PIK3R6: variants seen among roughly 807,000 people sequenced by gnomAD.
The protein encoded by PIK3R6 is phosphoinositide 3-kinase regulatory subunit 6.
PIK3R6 carries 91 observed loss-of-function variants against 84.9 expected under a neutral mutation model. The observed-to-expected ratio is 1.07, with a 90% CI of 0.90 to 1.28. The LOEUF (loss-of-function observed/expected upper bound fraction) is 1.28, where lower values mean the gene tolerates loss of function less well. PIK3R6 is among the 50% of genes most tolerant of loss of function. PIK3R6 has a pLI of 0.00. For synonymous variants in PIK3R6, 416 were observed against 411.4 expected (o/e 1.01, Z -0.13); for missense variants, 996 against 985.1 (o/e 1.01, Z -0.15).
Position 8,825,576 on chromosome 17 carries a change from TA to T in PIK3R6, c.1515+1595del, listed in dbSNP as rs1228937250. Reference sequence around the variant, plus strand: ...GTACACGTAAGTATTTAGCAAATGATAAAAGTGGCATTTCAAATTTCTGCGG... The same window carrying T: ...GTACACGTAAGTATTTAGCAAATGATAAAGTGGCATTTCAAATTTCTGCGG... On this transcript the variant is annotated intron_variant, in intron 13 of 19. Transcript: ENST00000619866. Among the ~76,000 whole-genome samples, 7 of 152,356 alleles carry T rather than the reference TA, an allele frequency of 4.6e-5. No homozygotes were observed. The East Asian group carries it at 1.3e-3, about 29-fold the overall frequency.
At chr17:8,840,407 ATAGCCTCCAAATATGTATATG>A (rs2088637678) in intron 2 of PIK3R6, among the ~76,000 whole-genome samples, 1 of 142,198 alleles carries the variant, frequency 7.0e-6, no homozygotes, top group Admixed American at 7.5e-5. Context: ...TGAAATATAT[ATAGCCTCCAAATATGTATATG>A]AAATATATAT....
chr17:8,822,471 C>T, intron 16 of PIK3R6, 116 bp downstream of exon 16: 4 of 1,243,268 alleles, frequency 3.2e-6, no homozygotes, highest in Non-Finnish European at 4.6e-6. Flanking sequence ...CGGGCAGCTT[C>T]AAGAAAAGGG....
In PIK3R6 at chr17:8,829,728, CA is replaced by C. The variant is rs779636593; in HGVS notation, c.866del (p.Leu289CysfsTer94). ...TACAGAGCTGCTCCTCACCGGTCCA[CA>C]AGTGGAAGGTGATGTAGGGGCTGGG... ...PLPSPYITFH[L>X]WTGEEQLWKE... On this transcript the variant is annotated frameshift_variant, in exon 10 of 20. Transcript: ENST00000619866. LOFTEE classifies it high-confidence loss of function. 7 of 1,553,438 alleles carry C rather than the reference CA, an allele frequency of 4.5e-6. No homozygotes were observed. The highest frequency in any genetic ancestry group is 6.1e-6 in the Non-Finnish European group (7 of 1,148,170).
rs1401611445 is a variant in PIK3R6 at position 8,828,594 on chromosome 17, C to G, written c.1286G>C (p.Arg429Pro). ...GAGTCTGTGGTAGGCCTGGGCCAGG[C>G]GCCCCAGCATCCTGTCATCTCCGAG... ...LVLGDDRMLG[R>P]LAQAYHRLRK... Residue 429 changes from arginine (R) to proline (P), a missense_variant, in exon 11 of 20, where the codon CGC becomes CCC. Coordinates refer to ENST00000619866, the MANE Select transcript of PIK3R6 (RefSeq NM_001010855.4). The G allele has an allele frequency of 6.2e-7, 1 of 1,612,966 alleles. No homozygotes were observed. The highest frequency in any genetic ancestry group is 1.1e-5 in the South Asian group (1 of 91,074).
Position 8,837,727 on chromosome 17 carries a change from G to A in PIK3R6, c.258+76C>T, listed in dbSNP as rs1355098479. ...AGGCTCATCCTGGCGGAGACTGAGT[G>A]CCCACTAAGGGGAGAGTGTCCAGCC... On this transcript the variant is annotated intron_variant, in intron 5 of 19. Transcript: ENST00000619866. The A allele has an allele frequency of 9.5e-6, 12 of 1,266,448 alleles. 2 individuals are homozygous for A. In the South Asian group the frequency reaches 1.5e-4, roughly 16 times the overall value. 78.5% of individuals were successfully genotyped at this position (1,266,448 alleles called of 1,614,324 possible). A position where few individuals can be genotyped will look rare whatever the true frequency, so the allele number is the denominator to read the frequency against.
chr17:8,843,616 G>T (rs956605532), intron 2 of PIK3R6, among the ~76,000 whole-genome samples: 1 of 151,494 alleles, frequency 6.6e-6, no homozygotes. Flanking sequence ...TATGTGTTTT[G>T]TTTGGGCTTG....
In PIK3R6 at chr17:8,829,772, G is replaced by A. The variant is rs778552306; in HGVS notation, c.823C>T (p.Pro275Ser). Residue 275 changes from proline to serine, a missense_variant, in exon 10 of 20, where the codon CCA becomes TCA. Coordinates refer to ENST00000619866, the MANE Select transcript of PIK3R6 (RefSeq NM_001010855.4). Reference sequence around the variant, plus strand: ...GGGCTGGGCAGGGGAATGCTTGGTGGCCGCTCTTGGACAAGGTCACCTGCA... The same window carrying A: ...GGGCTGGGCAGGGGAATGCTTGGTGACCGCTCTTGGACAAGGTCACCTGCA... ...RCGGDLVQER[P>S]PSIPLPSPYI... is the part of the protein sequence containing the mutation. The A allele has an allele frequency of 1.3e-6, 2 of 1,551,994 alleles. No homozygotes were observed. Among genetic ancestry groups the A allele is most frequent in the South Asian group, 2.4e-5 (2 of 84,074 alleles).
At chr17:8,829,875 G>A in intron 9 of PIK3R6, 83 bp from the exon 10 acceptor site, 1 of 1,165,214 alleles carries the variant, frequency 8.6e-7, no homozygotes, top group Non-Finnish European at 1.2e-6. Flanking sequence ...CAGCTCCTGT[G>A]CGGGGTCTTA....
At chr17:8,846,349 T>A (rs1259712591) in intron 2 of PIK3R6, among the ~76,000 whole-genome samples, 3 of 152,184 alleles carry the variant, frequency 2.0e-5, no homozygotes, top group African/African-American at 7.2e-5. Context: ...ACCATGCTGT[T>A]TTTGTTACTG....
chr17:8,850,408 T>C (rs1159091203), intron 1 of PIK3R6, among the ~76,000 whole-genome samples: 2 of 152,134 alleles, frequency 1.3e-5, no homozygotes, highest in African/African-American at 4.8e-5. Context: ...TTAATATTAA[T>C]ATTAAGCTTA....
Position 8,828,128 on chromosome 17 carries a change from G to A in PIK3R6, c.1376C>T (p.Pro459Leu). 4 of 1,613,996 alleles carry A rather than the reference G, an allele frequency of 2.5e-6. No homozygotes were observed. The highest frequency in any genetic ancestry group is 3.4e-6 in the Non-Finnish European group (4 of 1,179,876). The change falls in exon 12 of 20, where the codon CCC becomes CTC. Residue 459 changes from proline (P) to leucine (L), a missense_variant. Physicochemically the swap from Pro to Leu is moderately conservative, Grantham distance 98. Transcript: ENST00000619866. ...TCCAGTCACCTCAGGCGCCAGCACG[G>A]GGATGTAGTAGAGCTGCAGGCTGAG... ...PRLSLQLYYI[P>L]VLAPEKPAAS...
chr17:8,823,506 G>A lies in PIK3R6; in HGVS notation c.1516-9C>T. The A allele has an allele frequency of 6.4e-7, 1 of 1,573,290 alleles. No individual in the cohort carries two copies. The highest frequency in any genetic ancestry group is 8.7e-7 in the Non-Finnish European group (1 of 1,144,118). On this transcript the variant is annotated splice_polypyrimidine_tract_variant and intron_variant, in intron 13 of 19. Transcript: ENST00000619866. ...GTGTCCAGGGAAGGAGGCTGTGATG[G>A]AGACAGGGAATGTCTTCACCAACTC...
In PIK3R6 at chr17:8,808,667, A is replaced by T. The variant is rs112789187; in HGVS notation, c.1996-4514T>A. 1.5e-3 allele frequency among the ~76,000 whole-genome samples: 222 copies of T among 152,352 alleles called. 3 individuals are homozygous for T. The highest frequency in any genetic ancestry group is 5.1e-3 in the African/African-American group (212 of 41,584). On this transcript the variant is annotated intron_variant, in intron 18 of 19. Coordinates refer to ENST00000619866, the MANE Select transcript of PIK3R6 (RefSeq NM_001010855.4). The stretch of plus-strand genomic sequence containing the variant: ...GCAGGAGTCAAAAACTCAGGTATGA[A>T]TGTCAGGGCAGAAGACACAGATTTG...
At chr17:8,835,953 C>G (rs536287151) in intron 7 of PIK3R6, among the ~76,000 whole-genome samples, 1 of 152,264 alleles carries the variant, frequency 6.6e-6, no homozygotes, top group South Asian at 2.1e-4. Flanking sequence ...CTCCTTGCAT[C>G]TTTCATGAAC....
Position 8,827,271 on chromosome 17 carries a change from C to T in PIK3R6, c.1416G>A (p.Pro472=), listed in dbSNP as rs755202323. Residue 472 remains proline, a synonymous_variant, in exon 13 of 20, where the codon CCG becomes CCA. Transcript: ENST00000619866. ...GGAACGTAGCCAGCTCTCCCAGCTC[C>T]GGCTGCCTGGATGCTGCAGGCTTCT... ...APEKPAASRQ[P]ELGELATFLG... 1.0e-5 allele frequency: 16 copies of T among 1,563,240 alleles called. No homozygotes were observed. The highest frequency in any genetic ancestry group is 5.7e-5 in the Admixed American group (3 of 52,190).
intron 3 of PIK3R6, 124 bp from the exon 4 acceptor site, chr17:8,838,779 C>T (rs896640668): frequency 2.0e-5 from 17 of 837,972 alleles, no homozygotes; most frequent in Admixed American, 7.9e-5. Context: ...GGTGTGACCC[C>T]GCCACCAGCG....
At position 8,842,403 on chromosome 17, in the gene PIK3R6, A is replaced by G. The variant is rs1450676399; in HGVS notation, c.14-2706T>C. On this transcript the variant is annotated intron_variant, in intron 2 of 19. Coordinates refer to ENST00000619866, the MANE Select transcript of PIK3R6 (RefSeq NM_001010855.4). The surrounding 1 kb of genome is among the most constrained non-coding windows in gnomAD (Gnocchi z 4.5). ...GCTTTTCTTGGACTCCCATCAGTCCAAGGCATTTCCACTGACCCTTCTTCC... is the reference window on the plus strand; with the variant it reads ...GCTTTTCTTGGACTCCCATCAGTCCGAGGCATTTCCACTGACCCTTCTTCC... Among the ~76,000 whole-genome samples, 1 of 152,134 alleles carries G rather than the reference A, an allele frequency of 6.6e-6. No individual in the cohort carries two copies. Among genetic ancestry groups the G allele is most frequent in the Non-Finnish European group, 1.5e-5 (1 of 68,026 alleles).
chr17:8,812,902 C>A (rs2087399653), intron 18 of PIK3R6, among the ~76,000 whole-genome samples: 1 of 151,584 alleles, frequency 6.6e-6, no homozygotes, highest in Non-Finnish European at 1.5e-5. Flanking sequence ...AAGATCAGAG[C>A]AGAACTAAAT....
Position 8,839,696 on chromosome 17 carries a change from A to G in PIK3R6, c.15T>C (p.Asp5=), listed in dbSNP as rs1333439107. MESS[D]VELDLQRSVQ... is the part of the protein sequence containing the mutation. ...CGCTCCTCTGGAGGTCCAGCTCCACATCTGGGCAGTGGTAGGGGTGGGAGG... is the reference window on the plus strand; with the variant it reads ...CGCTCCTCTGGAGGTCCAGCTCCACGTCTGGGCAGTGGTAGGGGTGGGAGG... Residue 5 remains aspartate, a splice_region_variant and synonymous_variant, in exon 3 of 20, where the codon GAT becomes GAC. Coordinates refer to ENST00000619866, the MANE Select transcript of PIK3R6 (RefSeq NM_001010855.4). The surrounding 1 kb of genome is among the most constrained non-coding windows in gnomAD (Gnocchi z 4.2). The G allele has an allele frequency of 6.4e-7, 1 of 1,569,544 alleles. No homozygotes were observed. The highest frequency in any genetic ancestry group is 1.2e-5 in the South Asian group (1 of 85,200).
Sources: allele counts gnomAD v4.1 joint callset (sites outside exome capture counted in the v4.1 genomes callset), GRCh38; gene constraint gnomAD v4.1.1; non-coding constraint Gnocchi (gnomAD v3.1); transcripts MANE v1.5; gene names NCBI Gene and HGNC (gene_info 2026-07-23, HGNC 2026-07-21).